NPRL3: variants seen among roughly 807,000 people sequenced by gnomAD.
The protein encoded by NPRL3 is NPR3 like, GATOR1 complex subunit.
Under a neutral mutation model 57.2 loss-of-function variants are expected in NPRL3, and 23 were observed. That is an observed-to-expected ratio of 0.40 (90% CI 0.29 to 0.57). The LOEUF is 0.57. Among genes scored for constraint, NPRL3 ranks in the 20% least tolerant of loss-of-function variants. NPRL3 has a pLI of 0.42. For missense variants in NPRL3, 691 were observed against 767.1 expected, an observed-to-expected ratio of 0.90 and a Z score of 1.17; for synonymous variants, 333 against 321.1, an observed-to-expected ratio of 1.04 and a Z score of -0.39.
At chr16:109,211 C>T (rs1221609618) in intron 7 of NPRL3, among the ~76,000 whole-genome samples, 4 of 151,822 alleles carry the variant, frequency 2.6e-5, no homozygotes, top group Non-Finnish European at 4.4e-5. Flanking sequence ...TCAAGAAATC[C>T]GCCCCTCAGC....
chr16:99,959 C>CAAAAAAAAAAAAAAAAAAGAAAA (rs1899200998), intron 8 of NPRL3, among the ~76,000 whole-genome samples: 5 of 60,960 alleles, frequency 8.2e-5, no homozygotes, highest in African/African-American at 1.5e-4. Flanking sequence ...CACACCCCCG[C>CAAAAAAAAAAAAAAAAAAGAAAA]AAAAAAAAAA....
intron 2 of NPRL3, among the ~76,000 whole-genome samples, chr16:135,173 GA>G (rs1172599299): frequency 6.6e-6 from 1 of 152,170 alleles, no homozygotes; most frequent in Non-Finnish European, 1.5e-5. Context: ...TAGCCATATG[GA>G]AAAGAAAATT....
rs1227889726 is a variant in NPRL3, at chr16:119,129, C to T, written c.315G>A (p.Gly105=). The T allele has an allele frequency of 1.2e-6, 2 of 1,613,588 alleles. No individual in the cohort carries two copies. Among genetic ancestry groups the T allele is most frequent in the Middle Eastern group, 1.7e-4 (1 of 6,052 alleles). ...GHPTLLQHAL[G]QISKTDPSPK... is the part of the protein sequence containing the mutation. ...ACCTGCCCAGGGAGAGCCATACCTG[C>T]CCCAGAGCATGCTGTAGCAGTGTTG... The change falls in exon 4 of 14, where the codon GGG becomes GGA. Residue 105 remains glycine, a synonymous_variant. Transcript: ENST00000611875.
At chr16:118,715 G>A (rs1186897717) in intron 4 of NPRL3, among the ~76,000 whole-genome samples, 1 of 152,236 alleles carries the variant, frequency 6.6e-6, no homozygotes, top group Admixed American at 6.5e-5. Flanking sequence ...CAGGTCTCCT[G>A]CCCAGTACCT....
intron 7 of NPRL3, among the ~76,000 whole-genome samples, chr16:101,688 C>G: frequency 6.6e-6 from 1 of 152,226 alleles, no homozygotes; most frequent in Admixed American, 6.5e-5. Flanking sequence ...CACACTCCCA[C>G]CTGGGCAGTC....
chr16:100,239 G>GC, intron 8 of NPRL3, 133 bp downstream of exon 8: 1 of 920,692 alleles, frequency 1.1e-6, no homozygotes, highest in Admixed American at 3.8e-5. Context: ...AAACGGCAGA[G>GC]CCCCACCTGC....
chr16:115,305 A>G (rs1899982480), intron 5 of NPRL3, among the ~76,000 whole-genome samples: 1 of 152,140 alleles, frequency 6.6e-6, no homozygotes, highest in African/African-American at 2.4e-5. Flanking sequence ...GAAAGAATAT[A>G]TATTTAAAAT....
At chr16:131,880 CT>C (rs1329980310) in intron 2 of NPRL3, among the ~76,000 whole-genome samples, 16 of 152,358 alleles carry the variant, frequency 1.1e-4, no homozygotes, top group African/African-American at 3.8e-4. Flanking sequence ...AAGCAATGCT[CT>C]CAAACTGTAC....
rs942146984 is a variant in NPRL3, at chr16:88,774, G to C, written c.1468C>G (p.Leu490Val). The change falls in exon 13 of 14, where the codon CTG (leucine) becomes GTG (valine). Residue 490 changes from leucine (L) to valine (V), a missense_variant. Coordinates refer to ENST00000611875, the MANE Select transcript of NPRL3 (RefSeq NM_001077350.3). ...ATGGCTGCGCGTTCATGCTCCGACA[G>C]GCTGGCCAGCAGGTTCTCCGTCATC... ...QRMTENLLAS[L>V]SEHERAAILS... 3.7e-6 allele frequency: 6 copies of C among 1,613,410 alleles called. No homozygotes were observed. Among genetic ancestry groups the C allele is most frequent in the Admixed American group, 1.7e-5 (1 of 59,980 alleles).
chr16:100,279 G>T, intron 8 of NPRL3, 93 bp downstream of exon 8: 1 of 1,320,534 alleles, frequency 7.6e-7, no homozygotes, highest in Non-Finnish European at 9.8e-7. Flanking sequence ...AAGAAAAAGA[G>T]AAATTTTGGA....
chr16:98,235 G>A lies in NPRL3; in HGVS notation c.834C>T (p.Cys278=). 3.1e-6 allele frequency: 5 copies of A among 1,614,010 alleles called. No homozygotes were observed. The highest frequency in any genetic ancestry group is 1.7e-5 in the Admixed American group (1 of 60,018). The change falls in exon 9 of 14, where the codon TGC becomes TGT. Residue 278 remains cysteine, a synonymous_variant. Transcript: ENST00000611875. ...TGATCACCCGCACTAGGGCAGGGGA[G>A]CAGTCAATAGGAAGCTCACCCAGCA... ...KSLLGELPID[C]SPALVRVIKT...
At chr16:116,787 ACC>A (rs71391112) in intron 5 of NPRL3, among the ~76,000 whole-genome samples, 6 of 85,934 alleles carry the variant, frequency 7.0e-5, no homozygotes, top group Admixed American at 1.4e-4. Flanking sequence ...ACATGGCGAG[ACC>A]CCCCCCCCCC....
At chr16:107,209 C>T (rs922036002) in intron 7 of NPRL3, among the ~76,000 whole-genome samples, 1 of 152,214 alleles carries the variant, frequency 6.6e-6, no homozygotes, top group African/African-American at 2.4e-5. Context: ...TTAATATCCA[C>T]TAGGTGGCGC....
rs559428698 is a variant in NPRL3, at chr16:94,153, G to C, written c.925-828C>G. Among the ~76,000 whole-genome samples, 19 of 152,096 alleles carry C rather than the reference G, an allele frequency of 1.2e-4. No homozygotes were observed. The South Asian group carries it at 4.0e-3, about 32-fold the overall frequency. ...CCCAAAGGCCCCAGGTCTGCCCCAT[G>C]TGCCCCGACTCCCACAGAGACCCCC... On this transcript the variant is annotated intron_variant, in intron 9 of 13. Transcript: ENST00000611875.
At chr16:104,257 C>T (rs1375822482) in intron 7 of NPRL3, among the ~76,000 whole-genome samples, 8 of 152,184 alleles carry the variant, frequency 5.3e-5, no homozygotes, top group Non-Finnish European at 1.5e-5. Flanking sequence ...CGCGCCATTG[C>T]ACTCCAGCCT....
In NPRL3 at chr16:118,975, G is replaced by C. The variant is rs755255158; in HGVS notation, c.318+151C>G. On this transcript the variant is annotated intron_variant, in intron 4 of 13. Coordinates refer to ENST00000611875, the MANE Select transcript of NPRL3 (RefSeq NM_001077350.3). The stretch of plus-strand genomic sequence containing the variant: ...CCAGGGGAAGCCAAATCTACCCAGG[G>C]GGAGCCCCACCTGCCCAAGGAGAGC... 5.6e-5 allele frequency: 67 copies of C among 1,190,816 alleles called. No individual in the cohort carries two copies. The East Asian group carries it at 1.7e-3, about 30-fold the overall frequency. The allele number at this position is 1,190,816 out of a possible 1,614,324, so 73.8% of individuals were successfully genotyped here. A position where few individuals can be genotyped will look rare whatever the true frequency, so the allele number is the denominator to read the frequency against.
In NPRL3 at chr16:138,287, CG is replaced by C. The variant is rs1199031676; in HGVS notation, c.-21del. The stretch of plus-strand genomic sequence containing the variant: ...CCGCATCCCGCCGTGGGGCCGGGGC[CG>C]GGGGCGGAGGGGGCCAGAGGAGGAC... On this transcript the variant is annotated 5_prime_UTR_variant, in exon 2 of 14. Transcript: ENST00000611875. 4.5e-6 allele frequency: 7 copies of C among 1,571,520 alleles called. No individual in the cohort carries two copies. In the East Asian group the frequency reaches 7.0e-5, roughly 16 times the overall value.
At chr16:134,763 G>T (rs537619340) in intron 2 of NPRL3, among the ~76,000 whole-genome samples, 1 of 143,146 alleles carries the variant, frequency 7.0e-6, no homozygotes, top group Non-Finnish European at 1.5e-5. Flanking sequence ...GTGCAGTGGC[G>T]CGATCTCGGC....
chr16:121,841 C>T (rs1372553717), intron 3 of NPRL3, among the ~76,000 whole-genome samples: 1 of 151,934 alleles, frequency 6.6e-6, no homozygotes, highest in Non-Finnish European at 1.5e-5. Flanking sequence ...ATGACGTAAT[C>T]TCGGCTCACT....
Sources: gnomAD v4.1 joint callset for allele counts (sites outside exome capture counted in the v4.1 genomes callset) on GRCh38, gnomAD v4.1.1 for gene constraint, MANE v1.5 for transcripts, NCBI Gene and HGNC (gene_info 2026-07-23, HGNC 2026-07-21) for gene names.